Variants in DRAP1 observed in about 807,000 individuals in gnomAD.
The protein encoded by DRAP1 is dr1-associated corepressor.
In DRAP1, 10 loss-of-function variants were observed where a neutral mutation model predicts 24.1. The observed-to-expected ratio is 0.41, with a 90% CI of 0.26 to 0.70. The LOEUF is 0.70. Among genes scored for constraint, DRAP1 ranks in the 30% least tolerant of loss-of-function variants. The pLI, the probability that DRAP1 is intolerant of heterozygous loss-of-function variation, is 0.29. For missense variants in DRAP1, 264 were observed against 275.6 expected (o/e 0.96, Z 0.30); for synonymous variants, 122 against 113.8 (o/e 1.07, Z -0.46).
rs1854550623 is a variant in DRAP1, at chr11:65,921,485, C to T, written c.*50C>T. 1.1e-6 allele frequency: 1 copy of T among 880,674 alleles called. No homozygotes were observed. Among genetic ancestry groups the T allele is most frequent in the East Asian group, 2.5e-5 (1 of 39,558 alleles). 54.6% of individuals were successfully genotyped at this position (880,674 alleles called of 1,614,324 possible). ...CCCCTTTTAGTTGGTTTTAGTTGCT[C>T]TGGGGGGAGGAGAGAAGGTAGAGCT... On this transcript the variant is annotated 3_prime_UTR_variant, in exon 7 of 7. Transcript: ENST00000312515.
intron 4 of DRAP1, 53 bp from the exon 5 acceptor site, chr11:65,920,516 G>A: frequency 6.2e-7 from 1 of 1,611,768 alleles, no homozygotes; most frequent in Middle Eastern, 1.7e-4. Context: ...AGGGCTTGGG[G>A]GTGGCCAAGG....
rs1349970113 is a variant in DRAP1 at position 65,920,675 on chromosome 11, C to G, written c.423+13C>G. 2.7e-6 allele frequency: 4 copies of G among 1,475,920 alleles called. No homozygotes were observed. In the Admixed American group the frequency reaches 9.9e-5, roughly 36 times the overall value. The allele number at this position is 1,475,920 out of a possible 1,614,324, so 91.4% of individuals were successfully genotyped here. On this transcript the variant is annotated intron_variant, in intron 5 of 6. Coordinates refer to ENST00000312515, the MANE Select transcript of DRAP1 (RefSeq NM_006442.4). ...CTCGGAGCAGGAGGTGAGTGAGGCC[C>G]CAGCCCTTCGCCCTGCCCTTGGTGA...
chr11:65,920,808 C>G, intron 5 of DRAP1, 76 bp from the exon 6 acceptor site: 1 of 1,502,800 alleles, frequency 6.7e-7, no homozygotes, highest in Non-Finnish European at 9.0e-7. Context: ...CTATGAGGGT[C>G]TACTGCTGTC....
At chr11:65,919,704 G>C in intron 1 of DRAP1, 76 bp from the exon 2 acceptor site, 2 of 1,587,676 alleles carry the variant, frequency 1.3e-6, no homozygotes, top group Non-Finnish European at 1.7e-6. Flanking sequence ...CTTTCTCCGG[G>C]GATGCCCCTT....
Position 65,919,868 on chromosome 11 carries a change from C to T in DRAP1, c.115+16C>T, listed in dbSNP as rs757952876. On this transcript the variant is annotated intron_variant, in intron 2 of 6. Transcript: ENST00000312515. Reference sequence around the variant, plus strand: ...GTCATCATCTGTATCCTGCCGGGGGCGGACCGGGTCGAGGGGCGTGGGGGA... The same window carrying T: ...GTCATCATCTGTATCCTGCCGGGGGTGGACCGGGTCGAGGGGCGTGGGGGA... 7 of 1,613,116 alleles carry T rather than the reference C, an allele frequency of 4.3e-6. No individual in the cohort carries two copies. Among genetic ancestry groups the T allele is most frequent in the Non-Finnish European group, 5.9e-6 (7 of 1,179,918 alleles).
In DRAP1 at chr11:65,920,932, C is replaced by A. The variant is rs773522319; in HGVS notation, c.472C>A (p.Pro158Thr). 8 of 1,613,398 alleles carry A rather than the reference C, an allele frequency of 5.0e-6. No individual in the cohort carries two copies. The highest frequency in any genetic ancestry group is 1.1e-5 in the South Asian group (1 of 90,982). ...DTDGEEETSQ[P>T]PPQASHPSAH... ...TGATGGGGAAGAGGAGACATCACAACCCCCACCCCAGGCCAGCCACCCCTC... is the reference window on the plus strand; with the variant it reads ...TGATGGGGAAGAGGAGACATCACAAACCCCACCCCAGGCCAGCCACCCCTC... Residue 158 changes from proline to threonine, a missense_variant, in exon 6 of 7, where the codon CCC (proline) becomes ACC (threonine). Transcript: ENST00000312515.
chr11:65,921,029 C>A, intron 6 of DRAP1, 57 bp downstream of exon 6: 1 of 1,348,508 alleles, frequency 7.4e-7, no homozygotes, highest in East Asian at 2.4e-5. Flanking sequence ...CCAACTTACC[C>A]CTCTTGTTCT....
At chr11:65,921,148 C>T in intron 6 of DRAP1, 176 bp downstream of exon 6, 1 of 667,308 alleles carries the variant, frequency 1.5e-6, no homozygotes, top group Non-Finnish European at 2.5e-6. Context: ...CCTGCTCCAC[C>T]CTGCCAGGGC....
chr11:65,920,238 T>C, intron 3 of DRAP1, 105 bp from the exon 4 acceptor site: 1 of 1,551,992 alleles, frequency 6.4e-7, no homozygotes, highest in African/African-American at 1.4e-5. Flanking sequence ...GGAGCGGAGA[T>C]CGGCCCGGGC....
rs143922438 is a variant in DRAP1, at chr11:65,921,397, G to A, written c.580G>A (p.Ala194Thr). Residue 194 changes from alanine (A) to threonine (T), a missense_variant, in exon 7 of 7, where the codon GCA becomes ACA. This residue lies in a region of DRAP1 where 243 missense variants were observed against 233.6 expected (regional missense o/e 1.04). Transcript: ENST00000312515. Reference protein sequence around the residue: ...PLPPAPPGPSAPDEEDEEDYD... With the variant: ...PLPPAPPGPSTPDEEDEEDYD... Reference sequence around the variant, plus strand: ...GCCCCCAGCGCCCCCGGGCCCCTCAGCACCTGATGAAGAGGACGAAGAAGA... The same window carrying A: ...GCCCCCAGCGCCCCCGGGCCCCTCAACACCTGATGAAGAGGACGAAGAAGA... 6 of 1,611,240 alleles carry A rather than the reference G, an allele frequency of 3.7e-6. No individual in the cohort carries two copies. The highest frequency in any genetic ancestry group is 5.1e-6 in the Non-Finnish European group (6 of 1,177,668).
chr11:65,920,884 G>A lies in DRAP1; in HGVS notation c.424G>A (p.Asp142Asn), dbSNP rs529754496. 9 of 1,611,766 alleles carry A rather than the reference G, an allele frequency of 5.6e-6. No individual in the cohort carries two copies. The highest frequency in any genetic ancestry group is 2.2e-5 in the South Asian group (2 of 90,820). ...KLSGTDSEQEDESEDTDTDGE... is the reference protein window; with the variant it reads ...KLSGTDSEQENESEDTDTDGE... The stretch of plus-strand genomic sequence containing the variant: ...ACTCTGACCTCTGCGGTGCTCACAG[G>A]ATGAATCTGAGGACACAGATACTGA... Residue 142 changes from aspartate to asparagine, a missense_variant and splice_region_variant, in exon 6 of 7, where the codon GAT (aspartate) becomes AAT (asparagine). By Grantham distance (23) the Asp-to-Asn change is conservative. Around this residue, in one of 2 missense-constraint regions of DRAP1, gnomAD observed 243 missense variants for 233.6 expected, o/e 1.04. Coordinates refer to ENST00000312515, the MANE Select transcript of DRAP1 (RefSeq NM_006442.4).
chr11:65,919,648 C>T, intron 1 of DRAP1, 105 bp downstream of exon 1: 2 of 1,520,504 alleles, frequency 1.3e-6, no homozygotes, highest in South Asian at 1.2e-5. Context: ...GGGGCCTGGA[C>T]GCCCCGCCCC....
intron 3 of DRAP1, 23 bp from the exon 4 acceptor site, chr11:65,920,320 C>G: frequency 6.2e-7 from 1 of 1,613,626 alleles, no homozygotes; most frequent in Non-Finnish European, 8.5e-7. Flanking sequence ...TCTTGAGTGC[C>G]AGCCCCTCCT....
chr11:65,920,872 C>T lies in DRAP1; in HGVS notation c.424-12C>T, dbSNP rs766615676. On this transcript the variant is annotated splice_polypyrimidine_tract_variant and intron_variant, in intron 5 of 6. Coordinates refer to ENST00000312515, the MANE Select transcript of DRAP1 (RefSeq NM_006442.4). ...CTTTTCTTGTCAACTCTGACCTCTG[C>T]GGTGCTCACAGGATGAATCTGAGGA... is the stretch of plus-strand genomic sequence containing the variant. 3.7e-5 allele frequency: 60 copies of T among 1,608,536 alleles called. No homozygotes were observed. Among genetic ancestry groups the T allele is most frequent in the Non-Finnish European group, 4.8e-5 (56 of 1,177,032 alleles).
Position 65,921,401 on chromosome 11 carries a change from C to A in DRAP1, c.584C>A (p.Pro195His). The stretch of plus-strand genomic sequence containing the variant: ...CCAGCGCCCCCGGGCCCCTCAGCAC[C>A]TGATGAAGAGGACGAAGAAGATTAC... ...LPPAPPGPSA[P>H]DEEDEEDYDS Residue 195 changes from proline to histidine, a missense_variant, in exon 7 of 7, where the codon CCT becomes CAT. Around this residue, in one of 2 missense-constraint regions of DRAP1, gnomAD observed 243 missense variants for 233.6 expected, o/e 1.04. Transcript: ENST00000312515. 1 of 1,611,140 alleles carries A rather than the reference C, an allele frequency of 6.2e-7. No individual in the cohort carries two copies. Among genetic ancestry groups the A allele is most frequent in the Non-Finnish European group, 8.5e-7 (1 of 1,177,398 alleles).
chr11:65,920,475 C>T lies in DRAP1; in HGVS notation c.329+13C>T. On this transcript the variant is annotated intron_variant, in intron 4 of 6. Coordinates refer to ENST00000312515, the MANE Select transcript of DRAP1 (RefSeq NM_006442.4). The stretch of plus-strand genomic sequence containing the variant: ...AGGGCGCCCGCAGGTGGGGCCAGGG[C>T]CTGGCATACAGTGGGGAAGGCCAAG... 1.2e-6 allele frequency: 2 copies of T among 1,613,780 alleles called. No homozygotes were observed. Among genetic ancestry groups the T allele is most frequent in the South Asian group, 1.1e-5 (1 of 91,060 alleles).
Position 65,919,738 on chromosome 11 carries a change from G to A in DRAP1, c.43-42G>A, listed in dbSNP as rs751719901. ...TTCCTCCCCCAGCACCCCCTTAGGGGACGGTGGCGACGGGGTCTGAACTCT... is the reference window on the plus strand; with the variant it reads ...TTCCTCCCCCAGCACCCCCTTAGGGAACGGTGGCGACGGGGTCTGAACTCT... On this transcript the variant is annotated intron_variant, in intron 1 of 6. Coordinates refer to ENST00000312515, the MANE Select transcript of DRAP1 (RefSeq NM_006442.4). 13 of 1,611,544 alleles carry A rather than the reference G, an allele frequency of 8.1e-6. No individual in the cohort carries two copies. The African/African-American group carries it at 1.3e-4, about 17-fold the overall frequency.
In DRAP1 at chr11:65,919,452, G is replaced by T; in HGVS notation, c.-50G>T. 2 of 1,514,078 alleles carry T rather than the reference G, an allele frequency of 1.3e-6. No individual in the cohort carries two copies. The highest frequency in any genetic ancestry group is 8.8e-7 in the Non-Finnish European group (1 of 1,132,342). The allele number at this position is 1,514,078 out of a possible 1,614,324, so 93.8% of individuals were successfully genotyped here. A position where few individuals can be genotyped will look rare whatever the true frequency, so the allele number is the denominator to read the frequency against. On this transcript the variant is annotated 5_prime_UTR_variant, in exon 1 of 7. Transcript: ENST00000312515. ...GGCGGCGAGCAGGCCCGGGAGCCGG[G>T]AGGCTGCGGGCGGCGGCGCTGGACC...
chr11:65,919,583 C>A (rs1319697263), intron 1 of DRAP1, 40 bp downstream of exon 1: 1 of 1,547,978 alleles, frequency 6.5e-7, no homozygotes, highest in South Asian at 1.2e-5. Context: ...GGGCCCGGCT[C>A]CCGGGTGGCT....
Sources: gnomAD v4.1 joint callset for allele counts on GRCh38, gnomAD v4.1.1 for gene constraint, gnomAD v4.1.1 regional missense constraint, MANE v1.5 for transcripts, NCBI Gene and HGNC (gene_info 2026-07-23, HGNC 2026-07-21) for gene names.